The following FANCL variants were observed in gnomAD, a reference collection of about 807,000 sequenced individuals.
The protein encoded by FANCL is FA complementation group L.
FANCL carries 69 observed loss-of-function variants against 59.4 expected under a neutral mutation model. That is an observed-to-expected ratio of 1.16 (90% CI 0.96 to 1.42). FANCL has a LOEUF of 1.42. Ranked by LOEUF, FANCL falls within the 40% of genes most tolerant of loss-of-function variation. FANCL has a pLI of 0.00. For synonymous variants in FANCL, 180 were observed against 147.1 expected (o/e 1.22, Z -1.62); for missense variants, 519 against 447.2 (o/e 1.16, Z -1.45).
chr2:58,168,322 T>C (rs1330684311), intron 7 of FANCL, among the ~76,000 whole-genome samples: 4 of 152,086 alleles, frequency 2.6e-5, no homozygotes, highest in Non-Finnish European at 5.9e-5. Context: ...GGGTGGGCTA[T>C]CACCTCACTC....
At position 58,219,939 on chromosome 2, in the gene FANCL, CT is replaced by C. The variant is rs966078839; in HGVS notation, c.374+2002del. Among the ~76,000 whole-genome samples, 14 of 152,266 alleles carry C rather than the reference CT, an allele frequency of 9.2e-5. 1 individual carries two copies. Among genetic ancestry groups the C allele is most frequent in the African/African-American group, 3.4e-4 (14 of 41,528 alleles). ...CAAACATAAAATCCCTACTGCATAT[CT>C]TAGGACTATTTCATACAACATCCTT... is the stretch of plus-strand genomic sequence containing the variant. On this transcript the variant is annotated intron_variant, in intron 5 of 13. Coordinates refer to ENST00000233741, the MANE Select transcript of FANCL (RefSeq NM_018062.4).
chr2:58,230,756 G>A (rs560463812), intron 2 of FANCL, among the ~76,000 whole-genome samples: 3 of 152,224 alleles, frequency 2.0e-5, no homozygotes, highest in Admixed American at 6.5e-5. Context: ...TGCTCAAAAT[G>A]TGCTTTCTCT....
chr2:58,198,820 G>C (rs1689699957), intron 6 of FANCL, among the ~76,000 whole-genome samples, 158 bp from the exon 7 acceptor site: 1 of 152,104 alleles, frequency 6.6e-6, no homozygotes, highest in South Asian at 2.1e-4. Flanking sequence ...ACAAGGTCAG[G>C]AGATCGAGAT....
At chr2:58,204,344 A>T (rs1237132465) in intron 5 of FANCL, 118 bp from the exon 6 acceptor site, 1 of 827,722 alleles carries the variant, frequency 1.2e-6, no homozygotes, top group African/African-American at 1.7e-5. Flanking sequence ...CATTATAAAA[A>T]TCAGAGCAAT....
chr2:58,190,155 T>C (rs1688785267), intron 7 of FANCL, among the ~76,000 whole-genome samples: 1 of 152,034 alleles, frequency 6.6e-6, no homozygotes, highest in Admixed American at 6.6e-5. Context: ...ATTTGTCTGG[T>C]CAAACACTGT....
rs1403926280 is a variant in FANCL, at chr2:58,161,558, C to A, written c.984G>T (p.Gln328His). Residue 328 changes from glutamine to histidine, a missense_variant, in exon 12 of 14, where the codon CAG becomes CAT. Transcript: ENST00000233741. ...TIPDQVCDNS[Q>H]CGQPFHQICL... ...ATATTTGATGGAAAGGTTGTCCACA[C>A]TGAGAATTATCACACACTTGATCAG... The A allele has an allele frequency of 4.3e-6, 7 of 1,611,002 alleles. No individual in the cohort carries two copies. Among genetic ancestry groups the A allele is most frequent in the Non-Finnish European group, 5.9e-6 (7 of 1,177,670 alleles).
chr2:58,159,473 T>A lies in FANCL; in HGVS notation c.*292A>T. ...TCATTTTATGAGCCTCATCAAGATT[T>A]TACCAGTCCAGATATATTCAAGAAG... On this transcript the variant is annotated 3_prime_UTR_variant, in exon 14 of 14. Coordinates refer to ENST00000233741, the MANE Select transcript of FANCL (RefSeq NM_018062.4). The A allele has an allele frequency of 6.2e-7, 1 of 1,613,776 alleles. No individual in the cohort carries two copies. Among genetic ancestry groups the A allele is most frequent in the Non-Finnish European group, 8.5e-7 (1 of 1,179,794 alleles).
chr2:58,205,749 A>T (rs1404457), intron 5 of FANCL, among the ~76,000 whole-genome samples: 11,833 of 152,170 alleles, frequency 0.078, 617 homozygotes, highest in East Asian at 0.2. Context: ...CAAGGACTCC[A>T]GGCAGAAACA....
chr2:58,228,671 C>G (rs1332350831), intron 3 of FANCL, among the ~76,000 whole-genome samples: 1 of 152,030 alleles, frequency 6.6e-6, no homozygotes, highest in Non-Finnish European at 1.5e-5. Context: ...CTCCCTGGCC[C>G]ATATTTACTA....
chr2:58,204,812 C>G (rs556151784), intron 5 of FANCL, among the ~76,000 whole-genome samples: 113 of 152,170 alleles, frequency 7.4e-4, no homozygotes, highest in Non-Finnish European at 1.3e-3. Flanking sequence ...TGACACTTAA[C>G]CTATGCATGT....
At chr2:58,233,568 C>T (rs1471337062) in intron 1 of FANCL, among the ~76,000 whole-genome samples, 1 of 152,008 alleles carries the variant, frequency 6.6e-6, no homozygotes, top group East Asian at 1.9e-4. Context: ...CCCATGTTTT[C>T]AGCCAGAAGA....
At chr2:58,183,568 T>C (rs1688127336) in intron 7 of FANCL, among the ~76,000 whole-genome samples, 1 of 151,944 alleles carries the variant, frequency 6.6e-6, no homozygotes, top group South Asian at 2.1e-4. Flanking sequence ...TCACTCTGCT[T>C]CATTGATTTT....
intron 8 of FANCL, among the ~76,000 whole-genome samples, chr2:58,164,803 A>G (rs971677800): frequency 6.6e-6 from 1 of 152,044 alleles, no homozygotes; most frequent in Non-Finnish European, 1.5e-5. Flanking sequence ...AATTGTTCCA[A>G]ATTAAACACA....
chr2:58,202,228 T>C (rs1030467932), intron 6 of FANCL, among the ~76,000 whole-genome samples: 15 of 120,898 alleles, frequency 1.2e-4, no homozygotes, highest in Non-Finnish European at 1.8e-4. Flanking sequence ...TATATACCTA[T>C]ACCTTTTTCC....
intron 7 of FANCL, among the ~76,000 whole-genome samples, chr2:58,184,308 C>T (rs993817334): frequency 6.6e-6 from 1 of 151,928 alleles, no homozygotes; most frequent in South Asian, 2.1e-4. Context: ...ATTTGGATTA[C>T]ATTATACTTT....
At chr2:58,195,365 A>G (rs1689325457) in intron 7 of FANCL, among the ~76,000 whole-genome samples, 1 of 152,206 alleles carries the variant, frequency 6.6e-6, no homozygotes, top group Admixed American at 6.5e-5. Flanking sequence ...TGGCATGTGT[A>G]AAAGAAAAAC....
chr2:58,199,644 G>A (rs958763594), intron 6 of FANCL, among the ~76,000 whole-genome samples: 3 of 151,922 alleles, frequency 2.0e-5, no homozygotes, highest in Non-Finnish European at 4.4e-5. Flanking sequence ...AGTTAACAAA[G>A]GCAAAAGATA....
intron 5 of FANCL, among the ~76,000 whole-genome samples, chr2:58,211,564 A>C (rs1691162110): frequency 6.6e-6 from 1 of 152,160 alleles, no homozygotes; most frequent in African/African-American, 2.4e-5. Flanking sequence ...TGCTCAGAAA[A>C]CGGGATTTTC....
At chr2:58,208,566 T>C (rs1234016251) in intron 5 of FANCL, among the ~76,000 whole-genome samples, 1 of 152,198 alleles carries the variant, frequency 6.6e-6, no homozygotes, top group Non-Finnish European at 1.5e-5. Flanking sequence ...GTTTAAGTTA[T>C]TTAGCTTTTA....
Sources: allele counts gnomAD v4.1 joint callset (sites outside exome capture counted in the v4.1 genomes callset), GRCh38; gene constraint gnomAD v4.1.1; transcripts MANE v1.5; gene names NCBI Gene and HGNC (gene_info 2026-07-23, HGNC 2026-07-21).